The following HDAC2 variants were observed in gnomAD, a reference collection of about 807,000 sequenced individuals.
HDAC2 encodes the protein YY1-associated factor 1.
Under a neutral mutation model 68.5 loss-of-function variants are expected in HDAC2, and 5 were observed. The observed-to-expected ratio is 0.07, with a 90% confidence interval of 0.04 to 0.15. The LOEUF (loss-of-function observed/expected upper bound fraction) is 0.15, where lower values mean the gene tolerates loss of function less well. Among genes scored for constraint, HDAC2 ranks in the 10% least tolerant of loss-of-function variants. The pLI is 1.00. For synonymous variants in HDAC2, 182 were observed against 191.3 expected (o/e 0.95, Z 0.40); for missense variants, 291 against 600.8 (o/e 0.48, Z 5.39).
intron 10 of HDAC2, among the ~76,000 whole-genome samples, chr6:113,945,126 C>T (rs1737546595): frequency 6.6e-6 from 1 of 151,038 alleles, no homozygotes; most frequent in Admixed American, 6.6e-5. Context: ...GACAGGATCA[C>T]TTGAAGCCAG....
At chr6:113,948,804 C>A in intron 8 of HDAC2, 175 bp downstream of exon 8, 1 of 590,364 alleles carries the variant, frequency 1.7e-6, no homozygotes, top group Non-Finnish European at 2.8e-6. Context: ...ATAAATCTGC[C>A]ATAATGAAAC....
chr6:113,956,081 A>T lies in HDAC2; in HGVS notation c.429T>A (p.Ala143=). 1 of 1,613,120 alleles carries T rather than the reference A, an allele frequency of 6.2e-7. No homozygotes were observed. The highest frequency in any genetic ancestry group is 8.5e-7 in the Non-Finnish European group (1 of 1,179,472). The change falls in exon 5 of 14, where the codon GCT becomes GCA. Residue 143 remains alanine, a synonymous_variant. Coordinates refer to ENST00000519065, the MANE Select transcript of HDAC2 (RefSeq NM_001527.4). ...AGAATCCTGATGCTTCTGATTTCTT[A>T]GCATGATGTAATCCTCCAGCCCAAT... ...AVNWAGGLHH[A]KKSEASGFCY...
At chr6:113,962,856 C>G (rs1299911610) in intron 1 of HDAC2, among the ~76,000 whole-genome samples, 4 of 150,160 alleles carry the variant, frequency 2.7e-5, no homozygotes, top group African/African-American at 9.8e-5. Context: ...CCCAGCTGCT[C>G]AGGAGGCTGA....
chr6:113,954,129 C>G (rs1281892602), intron 5 of HDAC2, among the ~76,000 whole-genome samples: 1 of 152,184 alleles, frequency 6.6e-6, no homozygotes, highest in East Asian at 1.9e-4. Context: ...TCACATGAAT[C>G]ACCATGTCAT....
chr6:113,962,213 T>C (rs371731098), intron 1 of HDAC2, among the ~76,000 whole-genome samples: 10 of 152,272 alleles, frequency 6.6e-5, no homozygotes, highest in Non-Finnish European at 1.5e-4. Context: ...ATTCCTATTG[T>C]ATAATAGTAA....
Position 113,944,298 on chromosome 6 carries a change from G to T in HDAC2, c.1204C>A (p.Pro402Thr). 6.2e-7 allele frequency: 1 copy of T among 1,611,994 alleles called. No homozygotes were observed. Among genetic ancestry groups the T allele is most frequent in the Admixed American group, 1.7e-5 (1 of 59,932 alleles). ...EDSGDEDGED[P>T]DKRISIRASD... Reference sequence around the variant, plus strand: ...ATCTTACTAGAAATTCTCTTGTCTGGATCTTCTCCATCTTCATCTCCACTG... The same window carrying T: ...ATCTTACTAGAAATTCTCTTGTCTGTATCTTCTCCATCTTCATCTCCACTG... Residue 402 changes from proline to threonine, a missense_variant, in exon 11 of 14, where the codon CCA becomes ACA. By Grantham distance (38) the Pro-to-Thr change is conservative (BLOSUM62 -1). Coordinates refer to ENST00000519065, the MANE Select transcript of HDAC2 (RefSeq NM_001527.4).
At chr6:113,956,923 A>G (rs575796043) in intron 3 of HDAC2, 2 of 430,108 alleles carry the variant, frequency 4.6e-6, no homozygotes, top group Non-Finnish European at 8.3e-6. Context: ...TATCTGTGGA[A>G]TATTTCTGTC....
At position 113,936,702 on chromosome 6, in the gene HDAC2, C is replaced by T. The variant is rs1776006387; in HGVS notation, c.*4356G>A. 1 of 152,302 alleles carries T rather than the reference C, an allele frequency of 6.6e-6. No individual in the cohort carries two copies. The highest frequency in any genetic ancestry group is 1.5e-5 in the Non-Finnish European group (1 of 68,130). 9.4% of individuals were successfully genotyped at this position (152,302 alleles called of 1,614,324 possible). ...CCATCTATCTACCTTTACCTCATAACAATAGCAAGCCAGGCGCGGTGGCTC... is the reference window on the plus strand; with the variant it reads ...CCATCTATCTACCTTTACCTCATAATAATAGCAAGCCAGGCGCGGTGGCTC... On this transcript the variant is annotated 3_prime_UTR_variant, in exon 14 of 14. Coordinates refer to ENST00000519065, the MANE Select transcript of HDAC2 (RefSeq NM_001527.4).
At position 113,935,180 on chromosome 6, in the gene HDAC2, T is replaced by C. The variant is rs142038594; in HGVS notation, c.*5878A>G. 1.6e-4 allele frequency: 25 copies of C among 152,326 alleles called. No homozygotes were observed. The highest frequency in any genetic ancestry group is 7.2e-4 in the Admixed American group (11 of 15,294). The allele number at this position is 152,326 out of a possible 1,614,324, so 9.4% of individuals were successfully genotyped here. On this transcript the variant is annotated 3_prime_UTR_variant, in exon 14 of 14. Transcript: ENST00000519065. ...GCCAAAGGCAACACAAGTTCAAACT[T>C]TCCGGCTAGACTTCAGAATAAGAAA...
intron 1 of HDAC2, among the ~76,000 whole-genome samples, chr6:113,963,390 T>C (rs1353914596): frequency 6.6e-6 from 1 of 152,184 alleles, no homozygotes. Flanking sequence ...AGCCCACTTT[T>C]TCATAAAGTA....
Position 113,939,933 on chromosome 6 carries a change from ATCT to A in HDAC2, c.*1122_*1124del, listed in dbSNP as rs1470803512. Reference sequence around the variant, plus strand: ...GAAGAGAAATACTTTTGACTGAATTATCTTCTGGCATTCTGTAATTTTTAATCT... The same window carrying A: ...GAAGAGAAATACTTTTGACTGAATTATCTGGCATTCTGTAATTTTTAATCT... On this transcript the variant is annotated 3_prime_UTR_variant, in exon 14 of 14. Coordinates refer to ENST00000519065, the MANE Select transcript of HDAC2 (RefSeq NM_001527.4). The A allele has an allele frequency of 1.3e-5, 2 of 152,184 alleles. No individual in the cohort carries two copies. The highest frequency in any genetic ancestry group is 2.4e-5 in the African/African-American group (1 of 41,456). 9.4% of individuals were successfully genotyped at this position (152,184 alleles called of 1,614,324 possible).
At chr6:113,953,974 A>T (rs1339538067) in intron 5 of HDAC2, among the ~76,000 whole-genome samples, 1 of 152,258 alleles carries the variant, frequency 6.6e-6, no homozygotes, top group Non-Finnish European at 1.5e-5. Flanking sequence ...AGCCATGCTC[A>T]ATTGTTTATT....
chr6:113,966,169 C>A (rs557560718), intron 1 of HDAC2, among the ~76,000 whole-genome samples: 21 of 152,198 alleles, frequency 1.4e-4, no homozygotes, highest in African/African-American at 3.4e-4. Context: ...ACCAAAAATG[C>A]CAAAATGCCA....
chr6:113,959,744 C>T, intron 2 of HDAC2, 162 bp downstream of exon 2: 1 of 516,400 alleles, frequency 1.9e-6, no homozygotes, highest in Non-Finnish European at 3.5e-6. Flanking sequence ...AGCTCTCATT[C>T]TTATTCATCT....
At chr6:113,950,465 A>T (rs1056767706) in intron 6 of HDAC2, among the ~76,000 whole-genome samples, 26 of 151,508 alleles carry the variant, frequency 1.7e-4, no homozygotes, top group African/African-American at 6.3e-4. Flanking sequence ...ACTGCACTCC[A>T]GTGAGCCAAG....
intron 11 of HDAC2, among the ~76,000 whole-genome samples, 155 bp from the exon 12 acceptor site, chr6:113,943,661 GTTTA>G (rs1776197774): frequency 1.3e-5 from 2 of 152,134 alleles, no homozygotes; most frequent in Non-Finnish European, 2.9e-5. Flanking sequence ...GGAATGAATG[GTTTA>G]TTTAATATTG....
At chr6:113,945,909 A>G in intron 9 of HDAC2, 99 bp downstream of exon 9, 1 of 929,938 alleles carries the variant, frequency 1.1e-6, no homozygotes, top group Non-Finnish European at 1.7e-6. Context: ...TCATACTTTC[A>G]ACTTATGATG....
intron 1 of HDAC2, among the ~76,000 whole-genome samples, chr6:113,960,679 T>A (rs1478386224): frequency 6.6e-6 from 1 of 152,044 alleles, no homozygotes; most frequent in East Asian, 1.9e-4. Context: ...ATGCATAAGA[T>A]TTAAAAAAGA....
chr6:113,969,364 T>C (rs1182223650), intron 1 of HDAC2, among the ~76,000 whole-genome samples: 1 of 152,234 alleles, frequency 6.6e-6, no homozygotes, highest in African/African-American at 2.4e-5. Flanking sequence ...GTATCAGTCA[T>C]TAAAAGATTA....
Sources: gnomAD v4.1 joint callset for allele counts (sites outside exome capture counted in the v4.1 genomes callset) on GRCh38, gnomAD v4.1.1 for gene constraint, MANE v1.5 for transcripts, NCBI Gene and HGNC (gene_info 2026-07-23, HGNC 2026-07-21) for gene names.